Variants in FGD2 observed in about 807,000 individuals in gnomAD.
FGD2 encodes the protein FYVE, RhoGEF and PH domain containing 2.
FGD2 carries 52 observed loss-of-function variants against 75.9 expected under a neutral mutation model. The observed-to-expected ratio is 0.69, with a 90% CI of 0.55 to 0.86. FGD2 has a LOEUF of 0.86. Ranked by LOEUF, FGD2 falls within the 40% of genes least tolerant of loss-of-function variation. The probability of loss-of-function intolerance (pLI) is 0.00; values close to 1 mark genes in which losing one functional copy is unlikely to be tolerated. For missense variants in FGD2, 790 were observed against 872.0 expected (o/e 0.91, Z 1.18); for synonymous variants, 347 against 348.6 (o/e 1.00, Z 0.05).
intron 1 of FGD2, among the ~76,000 whole-genome samples, chr6:37,007,034 C>G (rs976688454): frequency 6.6e-6 from 1 of 152,144 alleles, no homozygotes; most frequent in African/African-American, 2.4e-5. Context: ...ACCCGGCAGC[C>G]CCCAGTACTA....
In FGD2 at chr6:37,013,405, C is replaced by T. The variant is rs182099199; in HGVS notation, c.528-204C>T. ...CTTGTGGATGAGGCCAACCTGGGACCAGAACAGCCTTTGGCCTCAGGAGGC... is the reference window on the plus strand; with the variant it reads ...CTTGTGGATGAGGCCAACCTGGGACTAGAACAGCCTTTGGCCTCAGGAGGC... On this transcript the variant is annotated intron_variant, in intron 4 of 15. Coordinates refer to ENST00000274963, the MANE Select transcript of FGD2 (RefSeq NM_173558.4). The T allele has an allele frequency of 5.0e-5, 69 of 1,378,782 alleles. No homozygotes were observed. The African/African-American group carries it at 9.0e-4, about 18-fold the overall frequency. 85.4% of individuals were successfully genotyped at this position (1,378,782 alleles called of 1,614,324 possible).
At chr6:37,027,871 C>T in intron 15 of FGD2, 77 bp from the exon 16 acceptor site, 2 of 1,500,680 alleles carry the variant, frequency 1.3e-6, no homozygotes, top group South Asian at 2.4e-5. Flanking sequence ...GCGTGCGTGG[C>T]TGTTGCCTTC....
rs149605410 is a variant in FGD2 at position 37,013,475 on chromosome 6, C to T, written c.528-134C>T. The T allele has an allele frequency of 1.0e-4, 149 of 1,455,926 alleles. 1 individual carries two copies. Among genetic ancestry groups the T allele is most frequent in the African/African-American group, 6.8e-4 (48 of 70,508 alleles). 90.2% of individuals were successfully genotyped at this position (1,455,926 alleles called of 1,614,324 possible). The stretch of plus-strand genomic sequence containing the variant: ...GGGGCGCATGTGAGGATGACACCCC[C>T]GTACCCCGCCCACACCCAGAATTGC... On this transcript the variant is annotated intron_variant, in intron 4 of 15. Transcript: ENST00000274963.
intron 3 of FGD2, 157 bp from the exon 4 acceptor site, chr6:37,011,549 A>G: frequency 9.9e-7 from 1 of 1,013,412 alleles, no homozygotes; most frequent in Non-Finnish European, 1.5e-6. Flanking sequence ...CCAGAACACA[A>G]CCTCCCCTGC....
chr6:37,013,471 C>T, intron 4 of FGD2, 138 bp from the exon 5 acceptor site: 4 of 1,448,232 alleles, frequency 2.8e-6, no homozygotes, highest in South Asian at 1.5e-5. Flanking sequence ...GAGGATGACA[C>T]CCCCGTACCC....
rs561624844 is a variant in FGD2, at chr6:37,017,091, T to G, written c.1122+1231T>G. Among the ~76,000 whole-genome samples, 16 of 152,188 alleles carry G rather than the reference T, an allele frequency of 1.1e-4. No homozygotes were observed. In the East Asian group the frequency reaches 2.9e-3, roughly 28 times the overall value. ...GAAGCAGTGGTATACTCTACACATTTTTCTGCACTTTGCTTTTTTTTTTTT... is the reference window on the plus strand; with the variant it reads ...GAAGCAGTGGTATACTCTACACATTGTTCTGCACTTTGCTTTTTTTTTTTT... On this transcript the variant is annotated intron_variant, in intron 9 of 15. Transcript: ENST00000274963.
intron 1 of FGD2, among the ~76,000 whole-genome samples, chr6:37,006,330 G>T (rs545751675): frequency 5.3e-5 from 8 of 152,322 alleles, no homozygotes; most frequent in African/African-American, 1.9e-4. Flanking sequence ...AGGTAAAGCT[G>T]GGACCGTATG....
rs1013228592 is a variant in FGD2 at position 37,013,937 on chromosome 6, T to C, written c.685-25T>C. The C allele has an allele frequency of 2.5e-6, 4 of 1,609,606 alleles. No homozygotes were observed. The African/African-American group carries it at 5.3e-5, about 22-fold the overall frequency. ...CACCTCCCTTCTCTCACCCTCTCCG[T>C]GTTGCTCCCCCATCCCTCCCCAAGA... On this transcript the variant is annotated intron_variant, in intron 5 of 15. Transcript: ENST00000274963.
intron 14 of FGD2, among the ~76,000 whole-genome samples, chr6:37,026,847 A>C (rs1189243186): frequency 6.8e-6 from 1 of 147,358 alleles, no homozygotes; most frequent in African/African-American, 2.5e-5. Context: ...TAAAAATACA[A>C]AAAAAAAAAA....
intron 9 of FGD2, among the ~76,000 whole-genome samples, chr6:37,017,832 G>T (rs1765376208): frequency 6.6e-6 from 1 of 152,208 alleles, no homozygotes; most frequent in Admixed American, 6.5e-5. Flanking sequence ...GGGTTGCCTG[G>T]CATCTGGAGC....
chr6:37,019,998 A>G (rs1309316196), intron 9 of FGD2, among the ~76,000 whole-genome samples: 3 of 151,828 alleles, frequency 2.0e-5, no homozygotes, highest in East Asian at 1.9e-4. Context: ...GATGACAGGC[A>G]TGCGCCACCA....
At chr6:37,017,461 TAACA>T (rs1765354152) in intron 9 of FGD2, among the ~76,000 whole-genome samples, 1 of 152,240 alleles carries the variant, frequency 6.6e-6, no homozygotes, top group African/African-American at 2.4e-5. Flanking sequence ...GATGCAGGTG[TAACA>T]AAGGCTGGCG....
chr6:37,013,827 C>A, intron 5 of FGD2, 62 bp downstream of exon 5: 1 of 1,600,492 alleles, frequency 6.2e-7, no homozygotes. Context: ...GCTCAGGTTG[C>A]CTTGAGTGAT....
At position 37,014,724 on chromosome 6, in the gene FGD2, C is replaced by CT. The variant is rs767439796; in HGVS notation, c.882+21dup. The CT allele has an allele frequency of 6.8e-6, 11 of 1,613,920 alleles. 1 individual carries two copies. Among genetic ancestry groups the CT allele is most frequent in the Admixed American group, 5.0e-5 (3 of 60,008 alleles). On this transcript the variant is annotated intron_variant, in intron 7 of 15. Transcript: ENST00000274963. ...GAGATGGTAAGCAGCCCGCCCTCTC[C>CT]TGGAGCCCTGTCCCCCTCCCTGCAG...
intron 12 of FGD2, chr6:37,021,823 T>G (rs1196419743): frequency 5.6e-6 from 3 of 537,668 alleles, no homozygotes; most frequent in Admixed American, 6.5e-5. Context: ...CACAGCTGTC[T>G]TGGGGAAGTG....
At position 37,027,675 on chromosome 6, in the gene FGD2, A is replaced by G. The variant is rs769360383; in HGVS notation, c.1752+100A>G. 9.0e-6 allele frequency: 13 copies of G among 1,446,230 alleles called. No individual in the cohort carries two copies. The East Asian group carries it at 2.8e-4, about 31-fold the overall frequency. 89.6% of individuals were successfully genotyped at this position (1,446,230 alleles called of 1,614,324 possible). A position where few individuals can be genotyped will look rare whatever the true frequency, so the allele number is the denominator to read the frequency against. On this transcript the variant is annotated intron_variant, in intron 15 of 15. Coordinates refer to ENST00000274963, the MANE Select transcript of FGD2 (RefSeq NM_173558.4). ...GAGTATTGCTAGCTCCATATGTCAG[A>G]TAGGGAAACTGAGGCCCAATGAGGA...
intron 13 of FGD2, 163 bp downstream of exon 13, chr6:37,022,533 G>A (rs1377811197): frequency 2.3e-5 from 22 of 963,496 alleles, no homozygotes; most frequent in Middle Eastern, 2.2e-4. Flanking sequence ...CTGTCCCTCC[G>A]AGGCCTCCAC....
Position 37,028,527 on chromosome 6 carries a change from T to A in FGD2, c.*364T>A, listed in dbSNP as rs979943158. 2 of 212,614 alleles carry A rather than the reference T, an allele frequency of 9.4e-6. No individual in the cohort carries two copies. The highest frequency in any genetic ancestry group is 1.8e-5 in the Non-Finnish European group (2 of 108,236). 13.2% of individuals were successfully genotyped at this position (212,614 alleles called of 1,614,324 possible). ...AAGAGTACTGGTGAAAAACACATAG[T>A]AAATTAATTTTAAAAATGTAAAAAA... On this transcript the variant is annotated 3_prime_UTR_variant, in exon 16 of 16. Coordinates refer to ENST00000274963, the MANE Select transcript of FGD2 (RefSeq NM_173558.4).
In FGD2 at chr6:37,013,709, C is replaced by T; in HGVS notation, c.628C>T (p.Leu210=). The change falls in exon 5 of 16, where the codon CTG becomes TTG. Residue 210 remains leucine (L), a synonymous_variant. Transcript: ENST00000274963. ...VKNFERAAEL[L]ATWTDKSPLF... is the part of the protein sequence containing the mutation. ...GAACTTTGAGCGAGCGGCTGAGCTG[C>T]TGGCCACCTGGACCGACAAGTCTCC... 6.2e-7 allele frequency: 1 copy of T among 1,614,104 alleles called. No individual in the cohort carries two copies. Among genetic ancestry groups the T allele is most frequent in the Non-Finnish European group, 8.5e-7 (1 of 1,179,990 alleles).
Sources: allele counts gnomAD v4.1 joint callset (sites outside exome capture counted in the v4.1 genomes callset), GRCh38; gene constraint gnomAD v4.1.1; transcripts MANE v1.5; gene names NCBI Gene and HGNC (gene_info 2026-07-23, HGNC 2026-07-21).